LINGO2: variants seen among roughly 807,000 people sequenced by gnomAD.
The protein encoded by LINGO2 is leucine rich repeat and Ig domain containing 2.
Under a neutral mutation model 30.6 loss-of-function variants are expected in LINGO2, and 14 were observed. The observed-to-expected ratio is 0.46, with a 90% CI of 0.30 to 0.72. LINGO2 has a LOEUF of 0.72. Among genes scored for constraint, LINGO2 ranks in the 30% least tolerant of loss-of-function variants. The probability of loss-of-function intolerance (pLI) is 0.07; values close to 1 mark genes in which losing one functional copy is unlikely to be tolerated. For missense variants in LINGO2, 729 were observed against 751.7 expected (o/e 0.97, Z 0.35); for synonymous variants, 317 against 288.5 (o/e 1.10, Z -1.00).
the LINGO2 span, among the ~76,000 whole-genome samples, chr9:29,146,500 TAA>T: frequency 6.6e-6 from 1 of 152,188 alleles, no homozygotes; most frequent in Admixed American, 6.5e-5. Flanking sequence ...ACATAATCAT[TAA>T]GTGTTGCTGC....
chr9:28,693,346 A>G, the LINGO2 span, among the ~76,000 whole-genome samples: 2 of 152,160 alleles, frequency 1.3e-5, no homozygotes, highest in Non-Finnish European at 2.9e-5. Flanking sequence ...TACCTCTGTA[A>G]CTGATACTTC....
intron 1 of LINGO2, among the ~76,000 whole-genome samples, chr9:28,566,855 A>T (rs1823410322): frequency 6.6e-6 from 1 of 152,196 alleles, no homozygotes; most frequent in Admixed American, 6.5e-5. Context: ...TTTCATCTAA[A>T]ATATTTTTGA....
chr9:28,468,377 T>A (rs1011006725), intron 2 of LINGO2, among the ~76,000 whole-genome samples: 1 of 152,074 alleles, frequency 6.6e-6, no homozygotes, highest in African/African-American at 2.4e-5. Context: ...TACTTGGAAC[T>A]CAGAAGAGGA....
chr9:28,677,333 C>A, the LINGO2 span, among the ~76,000 whole-genome samples: 2 of 152,030 alleles, frequency 1.3e-5, no homozygotes, highest in Non-Finnish European at 2.9e-5. Flanking sequence ...ATTAAAAATG[C>A]GATAGAGTGG....
chr9:27,996,011 G>T (rs1433194482), intron 5 of LINGO2, among the ~76,000 whole-genome samples: 2 of 152,030 alleles, frequency 1.3e-5, no homozygotes, highest in African/African-American at 2.4e-5. Context: ...AATTAATTCA[G>T]TAAGGTTGCA....
At chr9:28,875,031 T>C in the LINGO2 span, among the ~76,000 whole-genome samples, 1 of 152,052 alleles carries the variant, frequency 6.6e-6, no homozygotes, top group African/African-American at 2.4e-5. Context: ...GAGAGAATTA[T>C]AGACTGAACT....
chr9:28,464,891 A>G (rs115395012), intron 2 of LINGO2, among the ~76,000 whole-genome samples: 1,969 of 152,278 alleles, frequency 0.013, 36 homozygotes, highest in African/African-American at 0.045. Context: ...AGTTCCCCTG[A>G]CCAGTTTGTG....
At chr9:28,636,172 G>A (rs1273274521) in intron 1 of LINGO2, among the ~76,000 whole-genome samples, 2 of 152,122 alleles carry the variant, frequency 1.3e-5, no homozygotes, top group Admixed American at 1.3e-4. Context: ...TTTTATGGCT[G>A]CGTAGTATCC....
At chr9:28,074,118 ATAT>A (rs1825558056) in intron 4 of LINGO2, among the ~76,000 whole-genome samples, 1 of 152,150 alleles carries the variant, frequency 6.6e-6, no homozygotes, top group Non-Finnish European at 1.5e-5. Context: ...ACCAGGAATA[ATAT>A]TAATAATTGT....
At chr9:27,975,873 T>C (rs1820569074) in intron 5 of LINGO2, among the ~76,000 whole-genome samples, 1 of 151,754 alleles carries the variant, frequency 6.6e-6, no homozygotes, top group African/African-American at 2.4e-5. Flanking sequence ...AATTTGTCTT[T>C]TGTGTTACAT....
intron 5 of LINGO2, among the ~76,000 whole-genome samples, chr9:27,965,445 T>A (rs981478163): frequency 6.6e-6 from 1 of 151,610 alleles, no homozygotes; most frequent in African/African-American, 2.4e-5. Context: ...ACCCACACAA[T>A]TTTCTCATTT....
At chr9:29,113,331 G>A in the LINGO2 span, among the ~76,000 whole-genome samples, 4 of 152,144 alleles carry the variant, frequency 2.6e-5, no homozygotes, top group Non-Finnish European at 5.9e-5. Context: ...GTGAAACCTC[G>A]ATGCTTTGCA....
the LINGO2 span, among the ~76,000 whole-genome samples, chr9:28,846,754 T>A: frequency 1.4e-5 from 2 of 148,052 alleles, no homozygotes; most frequent in Non-Finnish European, 3.0e-5. Flanking sequence ...CCTGTTTCTA[T>A]ACTATCAATG....
At chr9:28,995,651 A>C in the LINGO2 span, among the ~76,000 whole-genome samples, 78,147 of 151,902 alleles carry the variant, frequency 0.51, 21,221 homozygotes, top group Non-Finnish European at 0.6. Context: ...CTGGATTAAG[A>C]AAATGTGGCA....
chr9:28,680,859 T>C, the LINGO2 span, among the ~76,000 whole-genome samples: 37 of 152,094 alleles, frequency 2.4e-4, no homozygotes, highest in Admixed American at 2.4e-3. Context: ...CTTTATGCAT[T>C]TTTGACATTA....
intron 4 of LINGO2, among the ~76,000 whole-genome samples, chr9:28,152,251 T>C (rs1828020450): frequency 1.3e-5 from 2 of 152,138 alleles, no homozygotes; most frequent in Admixed American, 1.3e-4. Context: ...GATTTCTCAC[T>C]GTGTTAGCTC....
At chr9:28,382,692 G>T (rs1235715484) in intron 2 of LINGO2, among the ~76,000 whole-genome samples, 2 of 152,008 alleles carry the variant, frequency 1.3e-5, no homozygotes, top group African/African-American at 2.4e-5. Context: ...CTAAAGCATG[G>T]TGGTCAAAAA....
chr9:29,131,091 A>T, the LINGO2 span, among the ~76,000 whole-genome samples: 1 of 152,278 alleles, frequency 6.6e-6, no homozygotes, highest in South Asian at 2.1e-4. Context: ...AAAGTTTTAC[A>T]ACTTAATTGC....
At chr9:27,996,077 C>A (rs1466245906) in intron 5 of LINGO2, among the ~76,000 whole-genome samples, 1 of 151,964 alleles carries the variant, frequency 6.6e-6, no homozygotes, top group Non-Finnish European at 1.5e-5. Flanking sequence ...CAAATCATAA[C>A]CACAGTGAGA....
Sources: allele counts gnomAD v4.1 joint callset (sites outside exome capture counted in the v4.1 genomes callset), GRCh38; gene constraint gnomAD v4.1.1; transcripts MANE v1.5; gene names NCBI Gene and HGNC (gene_info 2026-07-23, HGNC 2026-07-21).